SLC35F1: variants seen among roughly 807,000 people sequenced by gnomAD.
SLC35F1 encodes solute carrier family 35 member F1.
SLC35F1 carries 14 observed loss-of-function variants against 48.7 expected under a neutral mutation model. That is an observed-to-expected ratio of 0.29 (90% CI 0.19 to 0.45). The LOEUF is 0.45. Ranked by LOEUF, SLC35F1 falls within the 20% of genes least tolerant of loss-of-function variation. The pLI, the probability that SLC35F1 is intolerant of heterozygous loss-of-function variation, is 1.00. For missense variants in SLC35F1, 404 were observed against 500.0 expected (o/e 0.81, Z 1.83); for synonymous variants, 190 against 202.2 (o/e 0.94, Z 0.51).
intron 2 of SLC35F1, among the ~76,000 whole-genome samples, chr6:118,162,906 A>G (rs938403514): frequency 9.9e-5 from 15 of 152,016 alleles, no homozygotes; most frequent in Non-Finnish European, 1.3e-4. Context: ...AACGAAACTT[A>G]TAGTATCCAA....
chr6:117,972,504 A>G (rs1776654714), intron 1 of SLC35F1, among the ~76,000 whole-genome samples: 1 of 152,190 alleles, frequency 6.6e-6, no homozygotes, highest in East Asian at 1.9e-4. Flanking sequence ...GACATACCTA[A>G]GACTGGGTTA....
chr6:118,050,386 A>G (rs1582639061), intron 1 of SLC35F1, among the ~76,000 whole-genome samples: 2 of 151,858 alleles, frequency 1.3e-5, no homozygotes. Flanking sequence ...TTTCAAAAAA[A>G]AAAAAGGAAA....
chr6:117,913,939 T>A (rs1020912910), intron 1 of SLC35F1, among the ~76,000 whole-genome samples: 1 of 151,984 alleles, frequency 6.6e-6, no homozygotes, highest in Non-Finnish European at 1.5e-5. Context: ...TAGTCCCAGC[T>A]ACTCAGGAGG....
At chr6:118,053,860 A>G (rs924138018) in intron 1 of SLC35F1, among the ~76,000 whole-genome samples, 6 of 152,194 alleles carry the variant, frequency 3.9e-5, no homozygotes, top group East Asian at 1.9e-4. Flanking sequence ...AAAGAGCAAG[A>G]ACACTTTTAT....
At chr6:117,950,126 G>A (rs7753286) in intron 1 of SLC35F1, among the ~76,000 whole-genome samples, 151,382 of 152,264 alleles carry the variant, frequency 0.99, 75,258 homozygotes, top group Middle Eastern at 1. Context: ...GTTTCTGGCC[G>A]TGGATTATTC....
chr6:118,053,511 A>C (rs1343549158), intron 1 of SLC35F1, among the ~76,000 whole-genome samples: 1 of 152,154 alleles, frequency 6.6e-6, no homozygotes, highest in Non-Finnish European at 1.5e-5. Flanking sequence ...CCCTAATCCT[A>C]TTATCCTGAT....
chr6:118,071,120 TATATAC>T (rs942529755), intron 1 of SLC35F1, among the ~76,000 whole-genome samples: 5 of 89,528 alleles, frequency 5.6e-5, no homozygotes, highest in East Asian at 7.1e-4. Context: ...TATATATACA[TATATAC>T]ATATATACAT....
chr6:118,210,966 A>T (rs1201601700), intron 2 of SLC35F1, among the ~76,000 whole-genome samples: 1 of 152,172 alleles, frequency 6.6e-6, no homozygotes, highest in African/African-American at 2.4e-5. Flanking sequence ...GGGTCTTTAA[A>T]TAGGTAATTA....
chr6:118,232,435 C>G (rs1171964977), intron 2 of SLC35F1, among the ~76,000 whole-genome samples: 1 of 151,236 alleles, frequency 6.6e-6, no homozygotes, highest in East Asian at 2.0e-4. Context: ...GTAATCCCAG[C>G]TACACGGGAG....
chr6:118,066,976 A>G (rs1476275901), intron 1 of SLC35F1, among the ~76,000 whole-genome samples: 1 of 152,186 alleles, frequency 6.6e-6, no homozygotes, highest in Non-Finnish European at 1.5e-5. Context: ...CACCATAGGT[A>G]CCATAGGTGA....
At chr6:117,909,482 A>G (rs1775737263) in intron 1 of SLC35F1, among the ~76,000 whole-genome samples, 1 of 152,176 alleles carries the variant, frequency 6.6e-6, no homozygotes, top group African/African-American at 2.4e-5. Context: ...TGAATCATAG[A>G]GCCCAGAAAA....
intron 6 of SLC35F1, among the ~76,000 whole-genome samples, chr6:118,277,980 G>A (rs978979676): frequency 1.3e-5 from 2 of 152,188 alleles, no homozygotes; most frequent in Non-Finnish European, 2.9e-5. Context: ...CAATGTAATG[G>A]GCATTCTGAG....
At chr6:118,020,729 C>T (rs186580571) in intron 1 of SLC35F1, among the ~76,000 whole-genome samples, 122 of 152,306 alleles carry the variant, frequency 8.0e-4, no homozygotes, top group African/African-American at 2.9e-3. Context: ...GGATTAGCAT[C>T]ATGTCTCTGA....
At chr6:118,108,733 C>T (rs909377557) in intron 1 of SLC35F1, among the ~76,000 whole-genome samples, 2 of 152,070 alleles carry the variant, frequency 1.3e-5, no homozygotes, top group Admixed American at 6.6e-5. Flanking sequence ...GTGCTCTCCC[C>T]AGGTTGAAAA....
chr6:118,211,636 A>G (rs758046565), intron 2 of SLC35F1, among the ~76,000 whole-genome samples: 10 of 152,228 alleles, frequency 6.6e-5, no homozygotes, highest in Admixed American at 6.5e-4. Flanking sequence ...AGGAGAGTTT[A>G]TGCCAAGAAT....
chr6:117,937,370 C>T (rs1776174806), intron 1 of SLC35F1, among the ~76,000 whole-genome samples: 1 of 152,160 alleles, frequency 6.6e-6, no homozygotes, highest in Non-Finnish European at 1.5e-5. Context: ...TATGCTACAG[C>T]CTTCTATTAT....
intron 1 of SLC35F1, among the ~76,000 whole-genome samples, chr6:118,051,743 G>A (rs1772394751): frequency 6.6e-6 from 1 of 152,102 alleles, no homozygotes; most frequent in Non-Finnish European, 1.5e-5. Flanking sequence ...ATGAAAAGGA[G>A]GTTCTCAGTA....
chr6:118,242,149 A>C (rs1775448913), intron 3 of SLC35F1, among the ~76,000 whole-genome samples: 1 of 152,224 alleles, frequency 6.6e-6, no homozygotes, highest in Non-Finnish European at 1.5e-5. Flanking sequence ...CTGTCAAGCT[A>C]ATTCCCATAG....
At chr6:118,070,847 T>G (rs1025574929) in intron 1 of SLC35F1, among the ~76,000 whole-genome samples, 2 of 143,016 alleles carry the variant, frequency 1.4e-5, no homozygotes, top group Non-Finnish European at 3.0e-5. Context: ...TCTATGTATA[T>G]ATATACACAT....
Sources: gnomAD v4.1 joint callset for allele counts (sites outside exome capture counted in the v4.1 genomes callset) on GRCh38, gnomAD v4.1.1 for gene constraint, MANE v1.5 for transcripts, NCBI Gene and HGNC (gene_info 2026-07-23, HGNC 2026-07-21) for gene names.